Variants in WDR59 observed in about 807,000 individuals in gnomAD.
The protein encoded by WDR59 is WD repeat domain 59.
In WDR59, 100 loss-of-function variants were observed where a neutral mutation model predicts 131.2. The ratio of observed to expected loss-of-function variants is 0.76; its 90% CI spans 0.65 to 0.90. WDR59 has a LOEUF of 0.90. Ranked by LOEUF, WDR59 falls within the 40% of genes least tolerant of loss-of-function variation. The pLI, the probability that WDR59 is intolerant of heterozygous loss-of-function variation, is 0.00. For synonymous variants in WDR59, 601 were observed against 466.2 expected (o/e 1.29, Z -3.72); for missense variants, 1,203 against 1,262.2 (o/e 0.95, Z 0.71).
At chr16:74,924,395 G>T (rs4337316) in intron 8 of WDR59, among the ~76,000 whole-genome samples, 9 of 152,146 alleles carry the variant, frequency 5.9e-5, no homozygotes, top group Admixed American at 4.6e-4. Context: ...CATATATTTA[G>T]AACTTTTTTT....
intron 8 of WDR59, 36 bp downstream of exon 8, chr16:74,938,114 C>T (rs774743146): frequency 7.1e-7 from 1 of 1,403,304 alleles, no homozygotes; most frequent in East Asian, 2.6e-5. Context: ...GCCACCCAAA[C>T]ACTGCTCCTC....
chr16:74,969,845 G>A (rs2033912728), intron 1 of WDR59, among the ~76,000 whole-genome samples: 2 of 152,104 alleles, frequency 1.3e-5, no homozygotes, highest in Admixed American at 6.6e-5. Flanking sequence ...GGAGTACAGT[G>A]GCATGATCTC....
Position 74,970,738 on chromosome 16 carries a change from CT to C in WDR59, c.55-4917del, listed in dbSNP as rs768622504. 1.3e-4 allele frequency among the ~76,000 whole-genome samples: 20 copies of C among 152,124 alleles called. 3 individuals are homozygous for C. The highest frequency in any genetic ancestry group is 7.7e-4 in the East Asian group (4 of 5,176). The stretch of plus-strand genomic sequence containing the variant: ...AAGTTGCTTTGTACACAGAGGTGCT[CT>C]GTAAAACTCTGTAGTATGAAAGATG... On this transcript the variant is annotated intron_variant, in intron 1 of 25. Coordinates refer to ENST00000262144, the MANE Select transcript of WDR59 (RefSeq NM_030581.4).
At chr16:74,965,056 C>T (rs940156707) in intron 2 of WDR59, among the ~76,000 whole-genome samples, 2 of 151,680 alleles carry the variant, frequency 1.3e-5, no homozygotes, top group Non-Finnish European at 2.9e-5. Context: ...AAGAGCAAAA[C>T]TCCGTCTCAA....
chr16:74,881,047 G>C (rs562008571), intron 25 of WDR59, among the ~76,000 whole-genome samples: 5 of 152,278 alleles, frequency 3.3e-5, no homozygotes, highest in Admixed American at 1.3e-4. Flanking sequence ...GAAAGCGATC[G>C]CTTTGCTCTG....
At chr16:74,884,499 C>T (rs775691668) in intron 25 of WDR59, among the ~76,000 whole-genome samples, 1 of 152,216 alleles carries the variant, frequency 6.6e-6, no homozygotes, top group Non-Finnish European at 1.5e-5. Context: ...TAGGTGTGCA[C>T]TAGCACGCCT....
At chr16:74,910,763 G>A (rs1050481837) in intron 14 of WDR59, among the ~76,000 whole-genome samples, 2 of 152,062 alleles carry the variant, frequency 1.3e-5, no homozygotes, top group South Asian at 2.1e-4. Flanking sequence ...CTGAGTCATC[G>A]CCAAGGTCTG....
intron 1 of WDR59, among the ~76,000 whole-genome samples, chr16:74,971,094 T>A (rs926278840): frequency 6.6e-6 from 1 of 151,970 alleles, no homozygotes; most frequent in Admixed American, 6.6e-5. Context: ...CAAGTCAAAA[T>A]CAAGGTCCTT....
At position 74,885,785 on chromosome 16, in the gene WDR59, G is replaced by C; in HGVS notation, c.2557C>G (p.Pro853Ala). 1 of 1,610,024 alleles carries C rather than the reference G, an allele frequency of 6.2e-7. No individual in the cohort carries two copies. The highest frequency in any genetic ancestry group is 8.5e-7 in the Non-Finnish European group (1 of 1,179,118). ...QHDKNKRLLD[P>A]ANTQQFDDFK... is the part of the protein sequence containing the mutation. Reference sequence around the variant, plus strand: ...TCATCAAATTGCTGGGTATTGGCGGGGTCCAGGAGCCTGGATAAAGTTAAA... The same window carrying C: ...TCATCAAATTGCTGGGTATTGGCGGCGTCCAGGAGCCTGGATAAAGTTAAA... The change falls in exon 25 of 26, where the codon CCC becomes GCC. Residue 853 changes from proline to alanine, a missense_variant. Transcript: ENST00000262144.
intron 1 of WDR59, among the ~76,000 whole-genome samples, chr16:74,973,284 TTTG>T (rs1052088114): frequency 2.0e-4 from 12 of 60,384 alleles, no homozygotes; most frequent in Admixed American, 6.3e-4. Flanking sequence ...CCAAAGCTGG[TTTG>T]TTGTTTTGCT....
chr16:74,906,311 C>A (rs1336725248), intron 17 of WDR59, among the ~76,000 whole-genome samples: 4 of 182 alleles, frequency 0.022, no homozygotes, highest in African/African-American at 0.044. Context: ...AAGACTCCGT[C>A]TCAAAAAAAA....
At chr16:74,929,416 GTA>G (rs2031182395) in intron 8 of WDR59, among the ~76,000 whole-genome samples, 1 of 152,160 alleles carries the variant, frequency 6.6e-6, no homozygotes, top group African/African-American at 2.4e-5. Flanking sequence ...ATGGCAAACA[GTA>G]TATGAAAAGA....
rs929385769 is a variant in WDR59 at position 74,942,194 on chromosome 16, G to A, written c.534+544C>T. ...GTCCATGGGCTGCTGCAGTAAGAAC[G>A]TATGAGTGATATGCACAATACTTTG... On this transcript the variant is annotated intron_variant, in intron 7 of 25. Coordinates refer to ENST00000262144, the MANE Select transcript of WDR59 (RefSeq NM_030581.4). Among the ~76,000 whole-genome samples the A allele has an allele frequency of 7.2e-5, 11 of 152,126 alleles. No homozygotes were observed. In the East Asian group the frequency reaches 1.5e-3, roughly 21 times the overall value.
At chr16:74,882,092 A>G (rs899484112) in intron 25 of WDR59, among the ~76,000 whole-genome samples, 2 of 152,050 alleles carry the variant, frequency 1.3e-5, no homozygotes, top group Non-Finnish European at 2.9e-5. Context: ...TTGACCCACC[A>G]AACCACACTT....
At chr16:74,977,682 T>A (rs952434618) in intron 1 of WDR59, among the ~76,000 whole-genome samples, 1 of 152,180 alleles carries the variant, frequency 6.6e-6, no homozygotes, top group Non-Finnish European at 1.5e-5. Flanking sequence ...AGCAAGATTC[T>A]GTCTCAAAAA....
intron 1 of WDR59, among the ~76,000 whole-genome samples, chr16:74,978,052 T>C (rs942071577): frequency 6.6e-6 from 1 of 151,202 alleles, no homozygotes; most frequent in Admixed American, 6.6e-5. Flanking sequence ...CCACAAAAAA[T>C]TTTTAAAAAT....
chr16:74,939,001 C>G (rs1173727569), intron 7 of WDR59, among the ~76,000 whole-genome samples: 2 of 150,916 alleles, frequency 1.3e-5, no homozygotes, highest in African/African-American at 4.9e-5. Context: ...GAATGTACAT[C>G]ACAAAAAAAA....
chr16:74,980,575 A>C (rs1048988670), intron 1 of WDR59, among the ~76,000 whole-genome samples: 1 of 151,772 alleles, frequency 6.6e-6, no homozygotes, highest in African/African-American at 2.4e-5. Context: ...GCTGGTCTCA[A>C]ACTCCTGACC....
At chr16:74,938,719 T>C (rs1385927392) in intron 7 of WDR59, among the ~76,000 whole-genome samples, 1 of 151,912 alleles carries the variant, frequency 6.6e-6, no homozygotes. Context: ...TTGTATTTTT[T>C]CTAGAGATGG....
Sources: allele counts gnomAD v4.1 joint callset (sites outside exome capture counted in the v4.1 genomes callset), GRCh38; gene constraint gnomAD v4.1.1; transcripts MANE v1.5; gene names NCBI Gene and HGNC (gene_info 2026-07-23, HGNC 2026-07-21).